The following SUSD5 variants were observed in gnomAD, a reference collection of about 807,000 sequenced individuals.
The protein encoded by SUSD5 is sushi domain containing 5.
SUSD5 carries 33 observed loss-of-function variants against 29.5 expected under a neutral mutation model. The ratio of observed to expected loss-of-function variants is 1.12; its 90% CI spans 0.85 to 1.49. The LOEUF (loss-of-function observed/expected upper bound fraction) is 1.49. SUSD5 is among the 40% of genes most tolerant of loss of function. The probability of loss-of-function intolerance (pLI) is 0.00; values close to 1 mark genes in which losing one functional copy is unlikely to be tolerated. For missense variants in SUSD5, 776 were observed against 800.6 expected (o/e 0.97, Z 0.37); for synonymous variants, 308 against 325.3 (o/e 0.95, Z 0.57).
Position 33,154,307 on chromosome 3 carries a change from G to GA in SUSD5, c.599-275dup, listed in dbSNP as rs558081648. Among the ~76,000 whole-genome samples, 28 of 152,206 alleles carry GA rather than the reference G, an allele frequency of 1.8e-4. No homozygotes were observed. The South Asian group carries it at 5.4e-3, about 29-fold the overall frequency. ...GGAGGCCTAGGCAGGTGGATCACTT[G>GA]AAGCCAGGAGTTCGAGACCAGCCTG... On this transcript the variant is annotated intron_variant, in intron 4 of 4. Coordinates refer to ENST00000309558, the MANE Select transcript of SUSD5 (RefSeq NM_015551.2).
intron 4 of SUSD5, among the ~76,000 whole-genome samples, chr3:33,161,398 G>A (rs1268261789): frequency 6.6e-6 from 1 of 152,116 alleles, no homozygotes; most frequent in Non-Finnish European, 1.5e-5. Context: ...GGTAATAGAA[G>A]GGGTAAACAT....
intron 4 of SUSD5, among the ~76,000 whole-genome samples, chr3:33,164,508 T>C (rs1004834553): frequency 6.8e-6 from 1 of 146,986 alleles, no homozygotes; most frequent in African/African-American, 2.7e-5. Flanking sequence ...TTATCACAAT[T>C]TTTTTAAAAA....
intron 1 of SUSD5, among the ~76,000 whole-genome samples, chr3:33,218,361 G>A (rs2032462119): frequency 6.6e-6 from 1 of 152,230 alleles, no homozygotes; most frequent in African/African-American, 2.4e-5. Flanking sequence ...CCCCTTAGCA[G>A]AGGAGGTTCT....
chr3:33,158,649 C>T (rs748868619), intron 4 of SUSD5, among the ~76,000 whole-genome samples: 3 of 152,186 alleles, frequency 2.0e-5, no homozygotes, highest in Non-Finnish European at 2.9e-5. Flanking sequence ...ACATATTCTG[C>T]GGTACTGCAG....
intron 4 of SUSD5, among the ~76,000 whole-genome samples, chr3:33,164,015 A>T (rs1252038511): frequency 6.6e-6 from 1 of 151,728 alleles, no homozygotes; most frequent in Non-Finnish European, 1.5e-5. Flanking sequence ...ACAAAAACAA[A>T]AACAAAAAAT....
intron 3 of SUSD5, among the ~76,000 whole-genome samples, chr3:33,198,097 A>C (rs2032030682): frequency 6.6e-6 from 1 of 152,242 alleles, no homozygotes; most frequent in Non-Finnish European, 1.5e-5. Context: ...TATTGAAAAC[A>C]GTGTAACATC....
chr3:33,218,653 CA>C, intron 1 of SUSD5, 32 bp downstream of exon 1: 1 of 1,263,420 alleles, frequency 7.9e-7, no homozygotes, highest in African/African-American at 1.5e-5. Context: ...CCCCACGCTC[CA>C]CCCCCCGCCC....
At chr3:33,176,018 C>A (rs2031545416) in intron 3 of SUSD5, among the ~76,000 whole-genome samples, 1 of 152,162 alleles carries the variant, frequency 6.6e-6, no homozygotes, top group Non-Finnish European at 1.5e-5. Flanking sequence ...CTTCCTTCTC[C>A]CTAAAGATTG....
At position 33,183,930 on chromosome 3, in the gene SUSD5, C is replaced by CTTTTTTTTTTTTTTTTTTTTTTTT. The variant is rs68055129; in HGVS notation, c.410-8880_410-8857dup. ...AACACTTTAAATATTTTATTACCCT[C>CTTTTTTTTTTTTTTTTTTTTTTTT]TTTTTTTTTTTTTTTTTTTTTTTTT... On this transcript the variant is annotated intron_variant, in intron 3 of 4. Coordinates refer to ENST00000309558, the MANE Select transcript of SUSD5 (RefSeq NM_015551.2). Among the ~76,000 whole-genome samples the CTTTTTTTTTTTTTTTTTTTTTTTT allele has an allele frequency of 2.1e-3, 131 of 62,598 alleles. 6 individuals are homozygous for CTTTTTTTTTTTTTTTTTTTTTTTT. Among genetic ancestry groups the CTTTTTTTTTTTTTTTTTTTTTTTT allele is most frequent in the South Asian group, 6.8e-3 (8 of 1,182 alleles). The allele number at this position is 62,598 out of a possible 152,430, so 41.1% of individuals were successfully genotyped here.
rs2031335385 is a variant in SUSD5 at position 33,167,800 on chromosome 3, G to A, written c.598+7086C>T. ...ACAAGATGGAGAAGCCCAGCTCTCTGCCTGTGGAGGTACTGTATCTCTCAC... is the reference window on the plus strand; with the variant it reads ...ACAAGATGGAGAAGCCCAGCTCTCTACCTGTGGAGGTACTGTATCTCTCAC... On this transcript the variant is annotated intron_variant, in intron 4 of 4. Transcript: ENST00000309558. This position sits in a 1 kb window ranked among gnomAD's most constrained non-coding sequence, Gnocchi z 4.1. 6.6e-6 allele frequency among the ~76,000 whole-genome samples: 1 copy of A among 152,150 alleles called. No homozygotes were observed. The highest frequency in any genetic ancestry group is 2.4e-5 in the African/African-American group (1 of 41,434).
chr3:33,156,373 C>T (rs973370790), intron 4 of SUSD5, among the ~76,000 whole-genome samples: 2 of 152,144 alleles, frequency 1.3e-5, no homozygotes, highest in Non-Finnish European at 2.9e-5. Flanking sequence ...GATTTGCTCT[C>T]TGTAAAACTT....
chr3:33,182,726 T>C (rs7620019), intron 3 of SUSD5, among the ~76,000 whole-genome samples: 23,256 of 152,222 alleles, frequency 0.15, 2,028 homozygotes, highest in South Asian at 0.28. Context: ...CTATCTAAAA[T>C]GAGTATAGCT....
rs779524919 is a variant in SUSD5, at chr3:33,153,904, T to G, written c.728A>C (p.Glu243Ala). Residue 243 changes from glutamate to alanine, a missense_variant, in exon 5 of 5, where the codon GAG becomes GCG. Transcript: ENST00000309558. Reference sequence around the variant, plus strand: ...GACCAGACGGTCCTGTTTTGGAGCCTCCTCAGAGGAGTCTCCCTGACCCCT... The same window carrying G: ...GACCAGACGGTCCTGTTTTGGAGCCGCCTCAGAGGAGTCTCCCTGACCCCT... ...EDRGQGDSSE[E>A]APKQDRLVSI... is the part of the protein sequence containing the mutation. The G allele has an allele frequency of 6.2e-6, 10 of 1,614,006 alleles. No homozygotes were observed. Among genetic ancestry groups the G allele is most frequent in the Admixed American group, 1.7e-5 (1 of 60,028 alleles).
intron 1 of SUSD5, 87 bp downstream of exon 1, chr3:33,218,599 G>A (rs979726796): frequency 8.6e-7 from 1 of 1,159,618 alleles, no homozygotes; most frequent in African/African-American, 1.6e-5. Context: ...TGCCGGGCCG[G>A]TCAGAGGGAG....
intron 4 of SUSD5, among the ~76,000 whole-genome samples, chr3:33,171,254 G>A (rs1004633269): frequency 2.0e-5 from 3 of 152,094 alleles, no homozygotes; most frequent in African/African-American, 7.2e-5. Flanking sequence ...GGCTGAGGCA[G>A]GAGAACTGCT....
intron 3 of SUSD5, among the ~76,000 whole-genome samples, chr3:33,179,171 A>T (rs1454840084): frequency 6.6e-6 from 1 of 152,210 alleles, no homozygotes; most frequent in African/African-American, 2.4e-5. Context: ...GGGACAATTT[A>T]ATGTAGGTTA....
Position 33,153,409 on chromosome 3 carries a change from G to A in SUSD5, c.1223C>T (p.Thr408Ile), listed in dbSNP as rs752001358. The change falls in exon 5 of 5, where the codon ACT becomes ATT. Residue 408 changes from threonine (T) to isoleucine (I), a missense_variant. Transcript: ENST00000309558. ...SVGLDENVLV[T>I]PDQPILVEVK... ...TTCCACAAGAATGGGCTGATCAGGAGTAACTAGGACGTTTTCATCCAGCCC... is the reference window on the plus strand; with the variant it reads ...TTCCACAAGAATGGGCTGATCAGGAATAACTAGGACGTTTTCATCCAGCCC... The A allele has an allele frequency of 6.2e-7, 1 of 1,613,884 alleles. No homozygotes were observed. The highest frequency in any genetic ancestry group is 1.1e-5 in the South Asian group (1 of 91,052).
chr3:33,192,012 C>T (rs151052931), intron 3 of SUSD5, among the ~76,000 whole-genome samples: 155 of 152,150 alleles, frequency 1.0e-3, no homozygotes, highest in African/African-American at 3.7e-3. Flanking sequence ...ACACTGAGTG[C>T]TATCATTGTT....
At chr3:33,182,997 G>GT (rs1256815205) in intron 3 of SUSD5, among the ~76,000 whole-genome samples, 1 of 151,232 alleles carries the variant, frequency 6.6e-6, no homozygotes, top group Non-Finnish European at 1.5e-5. Flanking sequence ...GGGTTTCACC[G>GT]TGTTAGCCAG....
Sources: gnomAD v4.1 joint callset for allele counts (sites outside exome capture counted in the v4.1 genomes callset) on GRCh38, gnomAD v4.1.1 for gene constraint, Gnocchi (gnomAD v3.1) non-coding constraint, MANE v1.5 for transcripts, NCBI Gene and HGNC (gene_info 2026-07-23, HGNC 2026-07-21) for gene names.